The following USP14 variants were observed in gnomAD, a reference collection of about 807,000 sequenced individuals.
USP14 encodes ubiquitin specific peptidase 14, also known as ubiquitin carboxyl-terminal hydrolase 14.
In USP14, 38 loss-of-function variants were observed where a neutral mutation model predicts 76.5. The ratio of observed to expected loss-of-function variants is 0.50; its 90% CI spans 0.38 to 0.65. The LOEUF is 0.65. Ranked by LOEUF, USP14 falls within the 30% of genes least tolerant of loss-of-function variation. USP14 has a pLI of 0.00. For synonymous variants in USP14, 192 were observed against 191.7 expected (o/e 1.00, Z -0.01); for missense variants, 467 against 586.5 (o/e 0.80, Z 2.10).
Position 196,637 on chromosome 18 carries a change from C to G in USP14, c.464C>G (p.Ala155Gly). ...AGGCAATGTTTGCTTTGTCTTTAAG[C>G]CCTTAGAGATTTGTTTGATTCCATG... ...EMASAQYITA[A>G]LRDLFDSMDK... The change falls in exon 7 of 16, where the codon GCC becomes GGC. Residue 155 changes from alanine to glycine, a missense_variant and splice_region_variant. By Grantham distance (60) the Ala-to-Gly change is moderately conservative. Coordinates refer to ENST00000261601, the MANE Select transcript of USP14 (RefSeq NM_005151.4). 2 of 1,612,960 alleles carry G rather than the reference C, an allele frequency of 1.2e-6. No individual in the cohort carries two copies. Among genetic ancestry groups the G allele is most frequent in the Non-Finnish European group, 1.7e-6 (2 of 1,179,510 alleles).
At chr18:174,852 T>C (rs888196019) in intron 3 of USP14, among the ~76,000 whole-genome samples, 1 of 152,124 alleles carries the variant, frequency 6.6e-6, no homozygotes, top group African/African-American at 2.4e-5. Flanking sequence ...CATGGCTCAC[T>C]GTAGTTTCTG....
intron 6 of USP14, among the ~76,000 whole-genome samples, chr18:193,393 G>A (rs1259631642): frequency 6.6e-6 from 1 of 151,930 alleles, no homozygotes; most frequent in African/African-American, 2.4e-5. Flanking sequence ...AGGTCAATAG[G>A]GTTTTACAGC....
intron 5 of USP14, among the ~76,000 whole-genome samples, chr18:189,528 AC>A: frequency 6.6e-6 from 1 of 151,624 alleles, no homozygotes; most frequent in Middle Eastern, 3.4e-3. Flanking sequence ...CTGCCTCCAG[AC>A]TGGAGTGCAG....
At chr18:163,784 C>T (rs1909189905) in intron 2 of USP14, among the ~76,000 whole-genome samples, 1 of 150,416 alleles carries the variant, frequency 6.6e-6, no homozygotes, top group Non-Finnish European at 1.5e-5. Context: ...CGGATTTCAT[C>T]ACCCAGGTAC....
At position 159,428 on chromosome 18, in the gene USP14, G is replaced by C. The variant is rs140593132; in HGVS notation, c.16+714G>C. Reference sequence around the variant, plus strand: ...CTGACAGTCCAGGGTACTGGCCAGGGATCACTTTTACTTAGGGAATGGACC... The same window carrying C: ...CTGACAGTCCAGGGTACTGGCCAGGCATCACTTTTACTTAGGGAATGGACC... On this transcript the variant is annotated intron_variant, in intron 1 of 15. Coordinates refer to ENST00000261601, the MANE Select transcript of USP14 (RefSeq NM_005151.4). Among the ~76,000 whole-genome samples, 105 of 152,272 alleles carry C rather than the reference G, an allele frequency of 6.9e-4. 2 individuals carry two copies. The highest frequency in any genetic ancestry group is 1.2e-3 in the Non-Finnish European group (84 of 68,030).
At chr18:175,933 T>C (rs773044651) in intron 3 of USP14, among the ~76,000 whole-genome samples, 6 of 152,208 alleles carry the variant, frequency 3.9e-5, no homozygotes, top group Non-Finnish European at 8.8e-5. Context: ...TAGGACTATT[T>C]AGATATTATG....
chr18:175,610 T>A (rs2144227898), intron 3 of USP14, among the ~76,000 whole-genome samples: 1 of 152,300 alleles, frequency 6.6e-6, no homozygotes, highest in Non-Finnish European at 1.5e-5. Context: ...TCTATTTGCT[T>A]ATCTTTTGTT....
chr18:168,727 G>T (rs1434890584), intron 3 of USP14, among the ~76,000 whole-genome samples: 1 of 151,990 alleles, frequency 6.6e-6, no homozygotes, highest in African/African-American at 2.4e-5. Flanking sequence ...GAGCCACTGT[G>T]CCAGGCCTTG....
At chr18:204,472 GAATTATGA>G (rs1273389019) in intron 12 of USP14, 84 bp from the exon 13 acceptor site, 51 of 1,138,210 alleles carry the variant, frequency 4.5e-5, no homozygotes. Flanking sequence ...AACTGTATCT[GAATTATGA>G]AAGCATTACT....
chr18:158,578 AGCC>A lies in USP14; in HGVS notation c.-114_-112del. Reference sequence around the variant, plus strand: ...GTTTGAATGAGACTCGTCGCACCGAAGCCGCCGCCACCACCGCGCCTCCGCCTC... The same window carrying A: ...GTTTGAATGAGACTCGTCGCACCGAAGCCGCCACCACCGCGCCTCCGCCTC... On this transcript the variant is annotated 5_prime_UTR_variant, in exon 1 of 16. Transcript: ENST00000261601. The A allele has an allele frequency of 1.9e-6, 2 of 1,053,322 alleles. No homozygotes were observed. The highest frequency in any genetic ancestry group is 2.7e-6 in the Non-Finnish European group (2 of 746,720). The allele number at this position is 1,053,322 out of a possible 1,614,324, so 65.2% of individuals were successfully genotyped here.
At chr18:179,791 G>A (rs1441567262) in intron 4 of USP14, among the ~76,000 whole-genome samples, 1 of 150,448 alleles carries the variant, frequency 6.6e-6, no homozygotes, top group Admixed American at 6.6e-5. Flanking sequence ...TGTAGAGATG[G>A]GGTCTTGCCG....
chr18:163,832 T>C (rs1044196520), intron 2 of USP14, among the ~76,000 whole-genome samples: 2 of 150,302 alleles, frequency 1.3e-5, no homozygotes, highest in Admixed American at 6.6e-5. Flanking sequence ...TTTTTTTTTT[T>C]AGATCCTCTT....
At chr18:160,915 C>T (rs1208838285) in intron 1 of USP14, among the ~76,000 whole-genome samples, 5 of 151,878 alleles carry the variant, frequency 3.3e-5, no homozygotes, top group African/African-American at 1.2e-4. Context: ...AAAGCCTTTA[C>T]GTATTTTATT....
chr18:197,787 C>T, intron 8 of USP14, 91 bp downstream of exon 8: 27 of 994,740 alleles, frequency 2.7e-5, no homozygotes, highest in Non-Finnish European at 4.0e-5. Context: ...AAATAAGTTC[C>T]ATCTTATAGG....
At chr18:193,836 G>A (rs1452231815) in intron 6 of USP14, among the ~76,000 whole-genome samples, 2 of 152,102 alleles carry the variant, frequency 1.3e-5, no homozygotes, top group Non-Finnish European at 1.5e-5. Flanking sequence ...TCCATTCATC[G>A]TTGGTGGATA....
Position 214,031 on chromosome 18 carries a change from T to C in USP14, c.*2747T>C, listed in dbSNP as rs952382862. 2 of 152,332 alleles carry C rather than the reference T, an allele frequency of 1.3e-5. No homozygotes were observed. Among genetic ancestry groups the C allele is most frequent in the Non-Finnish European group, 2.9e-5 (2 of 68,176 alleles). 9.4% of individuals were successfully genotyped at this position (152,332 alleles called of 1,614,324 possible). A position where few individuals can be genotyped will look rare whatever the true frequency, so the allele number is the denominator to read the frequency against. ...TTGATTGATGATTGATAGTAAATTA[T>C]TTCAGGCTTTGCAGGCTATAAAGTG... On this transcript the variant is annotated 3_prime_UTR_variant, in exon 16 of 16. Transcript: ENST00000261601.
intron 5 of USP14, among the ~76,000 whole-genome samples, 190 bp downstream of exon 5, chr18:180,529 A>G (rs956432682): frequency 6.6e-6 from 1 of 152,052 alleles, no homozygotes; most frequent in Non-Finnish European, 1.5e-5. Flanking sequence ...ATTTTAGGAC[A>G]TTTTCCGCCC....
Position 214,605 on chromosome 18 carries a change from T to C in USP14, c.*3321T>C. ...GTAACAAAATCTATCACAGTTTTAA[T>C]AAAAAGAAAAAAAAAAGAAGCTAAC... On this transcript the variant is annotated 3_prime_UTR_variant, in exon 16 of 16. Transcript: ENST00000261601. 1 of 1,579,270 alleles carries C rather than the reference T, an allele frequency of 6.3e-7. No individual in the cohort carries two copies. The highest frequency in any genetic ancestry group is 2.2e-5 in the East Asian group (1 of 44,580).
intron 3 of USP14, among the ~76,000 whole-genome samples, chr18:170,128 C>G (rs1049461027): frequency 3.3e-5 from 5 of 151,956 alleles, no homozygotes; most frequent in Non-Finnish European, 7.4e-5. Context: ...TGGTGAAACC[C>G]CATCTCCACT....
Sources: allele counts gnomAD v4.1 joint callset (sites outside exome capture counted in the v4.1 genomes callset), GRCh38; gene constraint gnomAD v4.1.1; transcripts MANE v1.5; gene names NCBI Gene and HGNC (gene_info 2026-07-23, HGNC 2026-07-21).